The following CADM2 variants were observed in gnomAD, a reference collection of about 807,000 sequenced individuals.
The protein encoded by CADM2 is immunoglobulin superfamily member 4D.
Under a neutral mutation model 49.8 loss-of-function variants are expected in CADM2, and 12 were observed. The ratio of observed to expected loss-of-function variants is 0.24; its 90% CI spans 0.15 to 0.39. The LOEUF (loss-of-function observed/expected upper bound fraction) is 0.39, where lower values mean the gene tolerates loss of function less well. Ranked by LOEUF, CADM2 falls within the 10% of genes least tolerant of loss-of-function variation. The pLI, the probability that CADM2 is intolerant of heterozygous loss-of-function variation, is 1.00. For synonymous variants in CADM2, 214 were observed against 175.4 expected (o/e 1.22, Z -1.74); for missense variants, 378 against 492.3 (o/e 0.77, Z 2.20).
At chr3:85,174,517 A>AATAT (rs201772803) in intron 1 of CADM2, among the ~76,000 whole-genome samples, 10 of 146,584 alleles carry the variant, frequency 6.8e-5, no homozygotes, top group African/African-American at 2.7e-4. Context: ...TGTATATATA[A>AATAT]ATATATATAT....
intron 1 of CADM2, among the ~76,000 whole-genome samples, chr3:85,552,144 T>G (rs2061819126): frequency 6.6e-6 from 1 of 152,056 alleles, no homozygotes; most frequent in African/African-American, 2.4e-5. Context: ...TACAAAAGAC[T>G]TTAGACATGA....
intron 1 of CADM2, among the ~76,000 whole-genome samples, chr3:85,411,503 G>GAAAGTGATTACCATCTTTACGA (rs2035654563): frequency 3.9e-5 from 6 of 152,112 alleles, no homozygotes; most frequent in Admixed American, 3.9e-4. Context: ...ATTCTTTACG[G>GAAAGTGATTACCATCTTTACGA]AGAAAGTGAT....
chr3:85,222,452 T>G (rs1002550805), intron 1 of CADM2, among the ~76,000 whole-genome samples: 1 of 152,192 alleles, frequency 6.6e-6, no homozygotes, highest in Non-Finnish European at 1.5e-5. Context: ...GATTTTAAGA[T>G]GCTTCCACAC....
At chr3:85,668,375 T>C (rs1047217454) in intron 1 of CADM2, among the ~76,000 whole-genome samples, 5 of 144,044 alleles carry the variant, frequency 3.5e-5, no homozygotes, top group Non-Finnish European at 7.6e-5. Context: ...TGTTTGGAAA[T>C]AATAAATACA....
intron 1 of CADM2, among the ~76,000 whole-genome samples, chr3:85,489,804 T>TGAGAGA (rs147571752): frequency 7.5e-5 from 11 of 146,870 alleles, no homozygotes; most frequent in Non-Finnish European, 1.4e-4. Flanking sequence ...TGTGTGTGTG[T>TGAGAGA]GTGAGAGAGA....
chr3:85,455,698 G>A (rs1401875151), intron 1 of CADM2, among the ~76,000 whole-genome samples: 1 of 152,056 alleles, frequency 6.6e-6, no homozygotes, highest in Non-Finnish European at 1.5e-5. Flanking sequence ...TTCACAAAGG[G>A]CCTTCTCAGC....
At chr3:85,429,380 G>GTATAAAGGC (rs1246986797) in intron 1 of CADM2, among the ~76,000 whole-genome samples, 1 of 152,020 alleles carries the variant, frequency 6.6e-6, no homozygotes, top group African/African-American at 2.4e-5. Flanking sequence ...ATGCTCCAAA[G>GTATAAAGGC]TATAAAGGCA....
chr3:85,629,570 C>T (rs904194061), intron 1 of CADM2, among the ~76,000 whole-genome samples: 3 of 151,840 alleles, frequency 2.0e-5, no homozygotes, highest in Non-Finnish European at 2.9e-5. Flanking sequence ...TTGATGGCCT[C>T]CAAGATGTCA....
chr3:85,272,005 A>G (rs2043254063), intron 1 of CADM2, among the ~76,000 whole-genome samples: 1 of 151,202 alleles, frequency 6.6e-6, no homozygotes, highest in Admixed American at 6.6e-5. Context: ...TATTTCATCT[A>G]ACATTTGAGA....
At chr3:85,341,220 G>C (rs1423607017) in intron 1 of CADM2, among the ~76,000 whole-genome samples, 2 of 151,066 alleles carry the variant, frequency 1.3e-5, no homozygotes, top group African/African-American at 4.9e-5. Context: ...AAATTGTTCT[G>C]GTTTATTATA....
chr3:85,666,409 C>T (rs1006427239), intron 1 of CADM2, among the ~76,000 whole-genome samples: 1 of 151,816 alleles, frequency 6.6e-6, no homozygotes, highest in African/African-American at 2.4e-5. Context: ...TAGCTATAAG[C>T]CTGGTAAGGG....
intron 7 of CADM2, among the ~76,000 whole-genome samples, chr3:85,941,278 C>T (rs912564910): frequency 5.3e-5 from 8 of 152,036 alleles, no homozygotes; most frequent in African/African-American, 1.9e-4. Context: ...AATACACATG[C>T]TAATATTAGG....
At chr3:85,903,312 T>A (rs114979127) in intron 5 of CADM2, among the ~76,000 whole-genome samples, 1,807 of 152,230 alleles carry the variant, frequency 0.012, 12 homozygotes, top group Non-Finnish European at 0.018. Context: ...TGGTGCTTTT[T>A]TTTTTCCTTT....
chr3:85,018,659 A>G (rs1397338089), intron 1 of CADM2, among the ~76,000 whole-genome samples: 1 of 152,118 alleles, frequency 6.6e-6, no homozygotes, highest in Non-Finnish European at 1.5e-5. Flanking sequence ...TTAAGTTGCT[A>G]GGGCAACTTT....
intron 1 of CADM2, among the ~76,000 whole-genome samples, chr3:84,988,816 A>G (rs2032730196): frequency 6.6e-6 from 1 of 152,140 alleles, no homozygotes; most frequent in Non-Finnish European, 1.5e-5. Flanking sequence ...AAAATCATGT[A>G]TTACCTATAA....
At chr3:85,666,482 A>T (rs2065572876) in intron 1 of CADM2, among the ~76,000 whole-genome samples, 1 of 151,970 alleles carries the variant, frequency 6.6e-6, no homozygotes, top group African/African-American at 2.4e-5. Flanking sequence ...TCTGTAACAA[A>T]AGAGAGATTA....
chr3:85,751,069 A>G (rs931306423), intron 2 of CADM2, among the ~76,000 whole-genome samples: 4 of 152,126 alleles, frequency 2.6e-5, no homozygotes, highest in African/African-American at 9.7e-5. Context: ...TGGAAAAGAA[A>G]GAATGTAGGT....
At chr3:85,134,626 T>G (rs2039358664) in intron 1 of CADM2, among the ~76,000 whole-genome samples, 1 of 152,194 alleles carries the variant, frequency 6.6e-6, no homozygotes. Context: ...TTAGTCAAAA[T>G]TCAAGTCTTT....
At chr3:85,716,750 G>A (rs1373262027) in intron 1 of CADM2, among the ~76,000 whole-genome samples, 2 of 152,076 alleles carry the variant, frequency 1.3e-5, no homozygotes, top group Admixed American at 6.6e-5. Context: ...TTATTAAATG[G>A]GGAATCCTTT....
Sources: gnomAD v4.1 joint callset for allele counts (sites outside exome capture counted in the v4.1 genomes callset) on GRCh38, gnomAD v4.1.1 for gene constraint, MANE v1.5 for transcripts, NCBI Gene and HGNC (gene_info 2026-07-23, HGNC 2026-07-21) for gene names.